TUBGCP6: variants seen among roughly 807,000 people sequenced by gnomAD.
TUBGCP6 encodes the protein tubulin gamma complex component 6, also known as gamma-tubulin complex component 6.
TUBGCP6 carries 161 observed loss-of-function variants against 175.8 expected under a neutral mutation model. The ratio of observed to expected loss-of-function variants is 0.92; its 90% CI spans 0.81 to 1.04. TUBGCP6 has a LOEUF of 1.04. Ranked by LOEUF, TUBGCP6 falls within the 50% of genes least tolerant of loss-of-function variation. The pLI, the probability that TUBGCP6 is intolerant of heterozygous loss-of-function variation, is 0.00. For synonymous variants in TUBGCP6, 1,173 were observed against 1,030.5 expected (o/e 1.14, Z -2.65); for missense variants, 2,572 against 2,433.0 (o/e 1.06, Z -1.20).
rs758146271 is a variant in TUBGCP6 at position 50,221,044 on chromosome 22, G to A, written c.3315C>T (p.Asn1105=). The change falls in exon 16 of 25, where the codon AAC becomes AAT. Residue 1105 remains asparagine, a synonymous_variant. Coordinates refer to ENST00000248846, the MANE Select transcript of TUBGCP6 (RefSeq NM_020461.4). ...TGGCGTTGGACACATGTCCATGGAT[G>A]TTCCACCGTGGCCGAGTGGGAGCCA... is the stretch of plus-strand genomic sequence containing the variant. The part of the protein sequence containing the change: ...SDVAPTRPRW[N]IHGHVSNASI... 7.4e-6 allele frequency: 12 copies of A among 1,611,870 alleles called. No individual in the cohort carries two copies. The highest frequency in any genetic ancestry group is 1.6e-4 in the Middle Eastern group (1 of 6,076).
chr22:50,229,546 A>T lies in TUBGCP6; in HGVS notation c.1148T>A (p.Val383Asp). The T allele has an allele frequency of 1.2e-6, 2 of 1,600,638 alleles. No individual in the cohort carries two copies. The highest frequency in any genetic ancestry group is 1.7e-6 in the Non-Finnish European group (2 of 1,174,264). Residue 383 changes from valine (V) to aspartate (D), a missense_variant, in exon 4 of 25, where the codon GTC (valine) becomes GAC (aspartate). Coordinates refer to ENST00000248846, the MANE Select transcript of TUBGCP6 (RefSeq NM_020461.4). ...CTCGGGAGACGCTCCTGACACGTGG[A>T]CGCCCCGCTTCACCACAAAGGCCTG... ...PAQAFVVKRG[V>D]HVSGASPESI...
At position 50,220,241 on chromosome 22, in the gene TUBGCP6, C is replaced by T. The variant is rs2064493745; in HGVS notation, c.4108+10G>A. 1.3e-6 allele frequency: 2 copies of T among 1,546,252 alleles called. No homozygotes were observed. The highest frequency in any genetic ancestry group is 1.8e-6 in the Non-Finnish European group (2 of 1,142,734). ...GTCCCACTCCTGACCACCAGCCACC[C>T]TACTCTGACCTAGTTCTTCAGAGAC... is the stretch of plus-strand genomic sequence containing the variant. On this transcript the variant is annotated intron_variant, in intron 16 of 24. Transcript: ENST00000248846.
chr22:50,232,368 A>G (rs1005971312), intron 3 of TUBGCP6, among the ~76,000 whole-genome samples: 52 of 83,148 alleles, frequency 6.3e-4, no homozygotes, highest in Non-Finnish European at 1.2e-3. Flanking sequence ...TCTGTCTCAA[A>G]AAAAAAAAAG....
At chr22:50,236,110 G>A (rs944753162) in intron 2 of TUBGCP6, among the ~76,000 whole-genome samples, 5 of 151,850 alleles carry the variant, frequency 3.3e-5, no homozygotes, top group Non-Finnish European at 4.4e-5. Flanking sequence ...CAGAAAAACC[G>A]TAAGAGATGG....
Position 50,220,381 on chromosome 22 carries a change from C to T in TUBGCP6, c.3978G>A (p.Gly1326=). The T allele has an allele frequency of 1.3e-6, 2 of 1,567,946 alleles. No homozygotes were observed. Among genetic ancestry groups the T allele is most frequent in the Non-Finnish European group, 1.7e-6 (2 of 1,152,752 alleles). The change falls in exon 16 of 25, where the codon GGG becomes GGA. Residue 1326 remains glycine (G), a synonymous_variant. Coordinates refer to ENST00000248846, the MANE Select transcript of TUBGCP6 (RefSeq NM_020461.4). ...CCGAGCTGGGGGAGGACAGAGATGG[C>T]CCCACTTCTACAGGCAGCCGTGGCC... ...DCGPRLPVEV[G]PSLSSPSSGC...
chr22:50,227,863 C>T (rs754181999), intron 5 of TUBGCP6, 44 bp downstream of exon 5: 33 of 1,556,388 alleles, frequency 2.1e-5, no homozygotes, highest in Middle Eastern at 2.1e-4. Context: ...AGCCCCACAC[C>T]GCTCCCGCAA....
rs749098570 is a variant in TUBGCP6 at position 50,226,715 on chromosome 22, G to A, written c.1601+18C>T. The A allele has an allele frequency of 6.4e-6, 10 of 1,565,418 alleles. No individual in the cohort carries two copies. Among genetic ancestry groups the A allele is most frequent in the South Asian group, 4.7e-5 (4 of 85,430 alleles). ...GTGGGAGTGCGCGCCCGCCGCGCCTGCCCAGCCCACTGCCCACCGGGTGTA... is the reference window on the plus strand; with the variant it reads ...GTGGGAGTGCGCGCCCGCCGCGCCTACCCAGCCCACTGCCCACCGGGTGTA... On this transcript the variant is annotated intron_variant, in intron 7 of 24. Transcript: ENST00000248846.
chr22:50,243,931 C>A lies in TUBGCP6; in HGVS notation c.529G>T (p.Glu177Ter). The A allele has an allele frequency of 6.2e-7, 1 of 1,614,092 alleles. No homozygotes were observed. The highest frequency in any genetic ancestry group is 8.5e-7 in the Non-Finnish European group (1 of 1,180,038). ...GCAGCCTCCATAACCTGAAGTGTTT[C>A]CTGGATCATGCTGTGACACAAACAC... is the stretch of plus-strand genomic sequence containing the variant. ...EECLCHSMIQ[E>*]TLQVMEAAPG... Residue 177 changes from glutamate to a stop codon, truncating the protein, a stop_gained, in exon 1 of 25, where the codon GAA becomes TAA. Coordinates refer to ENST00000248846, the MANE Select transcript of TUBGCP6 (RefSeq NM_020461.4). LOFTEE classifies it high-confidence loss of function.
chr22:50,222,213 C>T, intron 14 of TUBGCP6, 111 bp from the exon 15 acceptor site: 2 of 1,289,382 alleles, frequency 1.6e-6, no homozygotes, highest in East Asian at 2.4e-5. Flanking sequence ...CTGAACCAGA[C>T]AAGGCTTGTG....
intron 3 of TUBGCP6, among the ~76,000 whole-genome samples, chr22:50,230,017 G>C (rs1295527221): frequency 6.6e-6 from 1 of 152,072 alleles, no homozygotes; most frequent in African/African-American, 2.4e-5. Flanking sequence ...CCCAATAGAG[G>C]GCTCATGACA....
intron 2 of TUBGCP6, among the ~76,000 whole-genome samples, chr22:50,237,850 C>T (rs923920228): frequency 6.6e-6 from 1 of 152,186 alleles, no homozygotes; most frequent in African/African-American, 2.4e-5. Context: ...ACAGCCAGCA[C>T]GGTGGCTCAT....
intron 20 of TUBGCP6, 69 bp downstream of exon 20, chr22:50,218,999 G>A (rs531388861): frequency 1.6e-5 from 26 of 1,596,750 alleles, no homozygotes; most frequent in East Asian, 1.1e-4. Flanking sequence ...GGCTGTGGGC[G>A]TGCAGCCAGT....
intron 3 of TUBGCP6, among the ~76,000 whole-genome samples, chr22:50,231,050 C>T (rs890263746): frequency 3.5e-5 from 5 of 143,756 alleles, no homozygotes; most frequent in African/African-American, 1.3e-4. Flanking sequence ...CCATTGCACT[C>T]CAGCCTGGGC....
intron 16 of TUBGCP6, 38 bp from the exon 17 acceptor site, chr22:50,220,053 G>T (rs569088837): frequency 1.2e-6 from 2 of 1,607,208 alleles, no homozygotes; most frequent in African/African-American, 1.3e-5. Flanking sequence ...CATCAGGGCC[G>T]AGTGCCTGTG....
At chr22:50,229,602 T>C (rs1303369970) in intron 3 of TUBGCP6, 25 bp from the exon 4 acceptor site, 1 of 1,563,216 alleles carries the variant, frequency 6.4e-7, no homozygotes, top group African/African-American at 1.4e-5. Flanking sequence ...AGGACACTGG[T>C]CACAGAGGCC....
chr22:50,243,407 C>T (rs1037329201), intron 1 of TUBGCP6, among the ~76,000 whole-genome samples: 1 of 150,804 alleles, frequency 6.6e-6, no homozygotes, highest in Non-Finnish European at 1.5e-5. Flanking sequence ...GAGCCGAGAT[C>T]GCGCCACGGC....
chr22:50,240,831 A>G (rs1260277295), intron 1 of TUBGCP6, among the ~76,000 whole-genome samples: 2 of 152,206 alleles, frequency 1.3e-5, no homozygotes, highest in African/African-American at 4.8e-5. Flanking sequence ...TCTACTAAAA[A>G]TATAAAAATC....
intron 13 of TUBGCP6, chr22:50,223,693 T>C (rs1480413375): frequency 6.5e-6 from 1 of 153,492 alleles, no homozygotes; most frequent in Non-Finnish European, 1.4e-5. Context: ...GGCAGGAGAA[T>C]TGCTTGAACC....
At position 50,219,984 on chromosome 22, in the gene TUBGCP6, G is replaced by A. The variant is rs913793025; in HGVS notation, c.4140C>T (p.Leu1380=). Residue 1380 remains leucine, a synonymous_variant, in exon 17 of 25, where the codon CTC becomes CTT. Transcript: ENST00000248846. The stretch of plus-strand genomic sequence containing the variant: ...GTGAGTTGAGAGGCCAATTTGGAGA[G>A]AGGTCCTCAGTGTCCCCGCTCCTCC... ...GPGRSGDTED[L]SPNWPLNSQE... 1 of 1,614,064 alleles carries A rather than the reference G, an allele frequency of 6.2e-7. No individual in the cohort carries two copies. Among genetic ancestry groups the A allele is most frequent in the Non-Finnish European group, 8.5e-7 (1 of 1,179,970 alleles).
Sources: allele counts gnomAD v4.1 joint callset (sites outside exome capture counted in the v4.1 genomes callset), GRCh38; gene constraint gnomAD v4.1.1; transcripts MANE v1.5; gene names NCBI Gene and HGNC (gene_info 2026-07-23, HGNC 2026-07-21).